Variants in RUNX1T1 observed in about 807,000 individuals in gnomAD.
The protein encoded by RUNX1T1 is protein CBFA2T1.
In RUNX1T1, 4 loss-of-function variants were observed where a neutral mutation model predicts 62.8. That is an observed-to-expected ratio of 0.06 (90% CI 0.03 to 0.15). The LOEUF (loss-of-function observed/expected upper bound fraction) is 0.15, where lower values mean the gene tolerates loss of function less well. RUNX1T1 is among the 10% of genes least tolerant of loss of function. The pLI, the probability that RUNX1T1 is intolerant of heterozygous loss-of-function variation, is 1.00. For synonymous variants in RUNX1T1, 291 were observed against 286.0 expected, an observed-to-expected ratio of 1.02 and a Z score of -0.18; for missense variants, 508 against 754.3, an observed-to-expected ratio of 0.67 and a Z score of 3.82.
At chr8:92,032,637 A>G (rs1826478239) in intron 1 of RUNX1T1, among the ~76,000 whole-genome samples, 1 of 152,338 alleles carries the variant, frequency 6.6e-6, no homozygotes, top group Admixed American at 6.5e-5. Context: ...CCATCAGGCC[A>G]GATGCAGTGG....
intron 5 of RUNX1T1, among the ~76,000 whole-genome samples, chr8:91,997,949 ATAT>A (rs1411102156): frequency 6.6e-6 from 1 of 152,266 alleles, no homozygotes; most frequent in Admixed American, 6.5e-5. Context: ...TTTTATTCTT[ATAT>A]TTTAGAAGTC....
Position 91,970,018 on chromosome 8 carries a change from CTG to C in RUNX1T1, c.1458+638_1458+639del, listed in dbSNP as rs1554595112. On this transcript the variant is annotated intron_variant, in intron 10 of 10. Coordinates refer to ENST00000396218, the Ensembl canonical transcript of RUNX1T1. ...CAGATCTTTGAGCCATTTAGGCTAGCTGTGTGTGTGTGTGTGTGTGTGTGTTG... is the reference window on the plus strand; with the variant it reads ...CAGATCTTTGAGCCATTTAGGCTAGCTGTGTGTGTGTGTGTGTGTGTGTTG... Among the ~76,000 whole-genome samples, 132 of 142,556 alleles carry C rather than the reference CTG, an allele frequency of 9.3e-4. 1 individual carries two copies. Among genetic ancestry groups the C allele is most frequent in the African/African-American group, 3.0e-3 (111 of 37,468 alleles). The allele number at this position is 142,556 out of a possible 152,430, so 93.5% of individuals were successfully genotyped here.
intron 1 of RUNX1T1, among the ~76,000 whole-genome samples, chr8:92,032,509 T>C (rs1265376393): frequency 1.3e-5 from 2 of 151,982 alleles, no homozygotes; most frequent in African/African-American, 2.4e-5. Context: ...TAAACATGAG[T>C]ACAGCAAAAT....
chr8:92,046,113 C>A (rs1027167877), intron 1 of RUNX1T1, among the ~76,000 whole-genome samples: 64 of 152,152 alleles, frequency 4.2e-4, no homozygotes, highest in African/African-American at 1.5e-3. Context: ...ACTCATGTAT[C>A]ATTTCAGACT....
intron 1 of RUNX1T1, among the ~76,000 whole-genome samples, chr8:92,055,451 T>A (rs1212848790): frequency 1.3e-5 from 2 of 151,650 alleles, no homozygotes; most frequent in Non-Finnish European, 2.9e-5. Flanking sequence ...AATTTATTAA[T>A]TTTTTTTTGA....
At chr8:91,995,029 AATTT>A (rs1818402330) in intron 5 of RUNX1T1, among the ~76,000 whole-genome samples, 1 of 152,252 alleles carries the variant, frequency 6.6e-6, no homozygotes, top group African/African-American at 2.4e-5. Context: ...TGGTTTGAAC[AATTT>A]ATTATTTATA....
At chr8:92,054,049 G>A (rs1830633588) in intron 1 of RUNX1T1, among the ~76,000 whole-genome samples, 1 of 151,924 alleles carries the variant, frequency 6.6e-6, no homozygotes, top group Non-Finnish European at 1.5e-5. Flanking sequence ...TAGGGGTGGG[G>A]TGGGGAAGAA....
At chr8:92,095,043 C>T (rs957520967) in intron 1 of RUNX1T1, 3 of 1,535,524 alleles carry the variant, frequency 2.0e-6, no homozygotes, top group Non-Finnish European at 2.6e-6. Flanking sequence ...TGAGTCCTGT[C>T]TGGATAGCAG....
chr8:92,069,670 T>C (rs951197541), intron 2 of RUNX1T1, among the ~76,000 whole-genome samples: 1 of 152,226 alleles, frequency 6.6e-6, no homozygotes, highest in African/African-American at 2.4e-5. Context: ...TATATCAATG[T>C]AAATTTTTAA....
At chr8:92,067,751 G>A (rs941953855), upstream of RUNX1T1, among the ~76,000 whole-genome samples, 1 of 152,134 alleles carries the variant, frequency 6.6e-6, no homozygotes, top group Non-Finnish European at 1.5e-5. Flanking sequence ...AATGAAGTCT[G>A]TTTAAGACAA....
At chr8:92,055,933 A>T (rs1587361517) in intron 1 of RUNX1T1, among the ~76,000 whole-genome samples, 1 of 152,232 alleles carries the variant, frequency 6.6e-6, no homozygotes, top group East Asian at 1.9e-4. Context: ...ATAGGTTCAG[A>T]TACAACCATA....
intron 3 of RUNX1T1, among the ~76,000 whole-genome samples, chr8:92,013,559 A>G (rs1400264129): frequency 1.3e-5 from 2 of 152,226 alleles, no homozygotes; most frequent in Non-Finnish European, 2.9e-5. Flanking sequence ...AGACGACCAT[A>G]ACCCTGGACA....
At chr8:92,037,897 C>A (rs959368205) in intron 1 of RUNX1T1, among the ~76,000 whole-genome samples, 1 of 152,066 alleles carries the variant, frequency 6.6e-6, no homozygotes, top group Non-Finnish European at 1.5e-5. Context: ...TCCCTTCTCC[C>A]TTCTGCAAAT....
chr8:92,100,580 T>C (rs1460147430), upstream of RUNX1T1, among the ~76,000 whole-genome samples: 2 of 152,130 alleles, frequency 1.3e-5, no homozygotes, highest in African/African-American at 2.4e-5. Flanking sequence ...CAAGAAATAA[T>C]GGACTTCAAC....
At chr8:92,019,555 A>C (rs1345509363) in intron 1 of RUNX1T1, among the ~76,000 whole-genome samples, 2 of 152,188 alleles carry the variant, frequency 1.3e-5, no homozygotes, top group Non-Finnish European at 2.9e-5. Flanking sequence ...CTTTACCCTC[A>C]GTGTCTACAA....
At chr8:92,021,165 A>AGCTTT (rs1824013346) in intron 1 of RUNX1T1, among the ~76,000 whole-genome samples, 1 of 152,228 alleles carries the variant, frequency 6.6e-6, no homozygotes, top group Admixed American at 6.5e-5. Flanking sequence ...GTGTTGGCTA[A>AGCTTT]GCTAGAAGGT....
chr8:92,059,983 A>C (rs907724184), intron 1 of RUNX1T1, among the ~76,000 whole-genome samples: 1 of 152,158 alleles, frequency 6.6e-6, no homozygotes, highest in African/African-American at 2.4e-5. Flanking sequence ...CTTTTAAGGA[A>C]ATAGTCCTGA....
intron 5 of RUNX1T1, 100 bp from the exon 7 acceptor site, chr8:91,991,989 T>C: frequency 7.6e-7 from 1 of 1,313,086 alleles, no homozygotes; most frequent in East Asian, 2.3e-5. Flanking sequence ...AGAATATTTT[T>C]TATTGGCCAG....
chr8:92,077,190 T>C (rs933722816), intron 1 of RUNX1T1, among the ~76,000 whole-genome samples: 2 of 152,154 alleles, frequency 1.3e-5, no homozygotes, highest in Admixed American at 1.3e-4. Flanking sequence ...TGTTTCTTGC[T>C]CTTTAAGGTT....
Sources: allele counts gnomAD v4.1 joint callset (sites outside exome capture counted in the v4.1 genomes callset), GRCh38; gene constraint gnomAD v4.1.1; transcripts MANE v1.5; gene names NCBI Gene and HGNC (gene_info 2026-07-23, HGNC 2026-07-21).